The following FBXL7 variants were observed in gnomAD, a reference collection of about 807,000 sequenced individuals.
FBXL7 encodes F-box and leucine rich repeat protein 7.
Under a neutral mutation model 38.3 loss-of-function variants are expected in FBXL7, and 12 were observed. The ratio of observed to expected loss-of-function variants is 0.31; its 90% confidence interval spans 0.20 to 0.51. FBXL7 has a LOEUF of 0.51. Ranked by LOEUF, FBXL7 falls within the 20% of genes least tolerant of loss-of-function variation. The pLI is 0.98. For missense variants in FBXL7, 567 were observed against 676.4 expected, an observed-to-expected ratio of 0.84 and a Z score of 1.79; for synonymous variants, 297 against 300.9, an observed-to-expected ratio of 0.99 and a Z score of 0.13.
chr5:15,552,866 G>A (rs542488419), intron 1 of FBXL7, among the ~76,000 whole-genome samples: 121 of 152,258 alleles, frequency 7.9e-4, no homozygotes, highest in South Asian at 1.5e-3. Context: ...GGAAGATCAC[G>A]AGGTCAAGAG....
At chr5:15,525,039 C>A (rs1236829262) in intron 1 of FBXL7, among the ~76,000 whole-genome samples, 1 of 152,184 alleles carries the variant, frequency 6.6e-6, no homozygotes, top group East Asian at 1.9e-4. Context: ...AGAATCCTGG[C>A]TTTGTCACTT....
intron 2 of FBXL7, among the ~76,000 whole-genome samples, chr5:15,707,639 T>C (rs1743732235): frequency 6.6e-6 from 1 of 152,154 alleles, no homozygotes; most frequent in Admixed American, 6.5e-5. Context: ...TGGAAGGCAG[T>C]GTACATACAA....
At chr5:15,858,040 C>A (rs1307177658) in intron 2 of FBXL7, among the ~76,000 whole-genome samples, 1 of 151,960 alleles carries the variant, frequency 6.6e-6, no homozygotes, top group African/African-American at 2.4e-5. Context: ...ACCAGTATGC[C>A]AGTTTGGATT....
intron 1 of FBXL7, among the ~76,000 whole-genome samples, chr5:15,537,593 A>C (rs1737622698): frequency 6.6e-6 from 1 of 152,224 alleles, no homozygotes; most frequent in African/African-American, 2.4e-5. Context: ...CCTTTCCCTC[A>C]AGGCCATTGA....
chr5:15,638,751 G>A (rs554292979), intron 2 of FBXL7, among the ~76,000 whole-genome samples: 10 of 152,212 alleles, frequency 6.6e-5, no homozygotes, highest in African/African-American at 2.4e-4. Flanking sequence ...CCATCGGTCC[G>A]TATATCAACC....
chr5:15,531,424 G>T (rs1450642651), intron 1 of FBXL7, among the ~76,000 whole-genome samples: 1 of 152,146 alleles, frequency 6.6e-6, no homozygotes, highest in African/African-American at 2.4e-5. Flanking sequence ...ATGATATAGA[G>T]ACTTTATATT....
intron 2 of FBXL7, among the ~76,000 whole-genome samples, chr5:15,714,848 CAAAAAAAAAA>C (rs35229749): frequency 1.3e-5 from 1 of 76,668 alleles, no homozygotes; most frequent in East Asian, 3.8e-4. Flanking sequence ...GAGTCCGTCT[CAAAAAAAAAA>C]AAAAAAAAAA....
chr5:15,527,467 GT>G (rs1737285025), intron 1 of FBXL7, among the ~76,000 whole-genome samples: 1 of 152,062 alleles, frequency 6.6e-6, no homozygotes, highest in Admixed American at 6.5e-5. Flanking sequence ...TTTAAATTCA[GT>G]TCATCAGAGA....
chr5:15,939,106 C>T lies in FBXL7; in HGVS notation c.*1920C>T. 2.5e-6 allele frequency: 1 copy of T among 398,978 alleles called. No individual in the cohort carries two copies. The highest frequency in any genetic ancestry group is 4.4e-6 in the Non-Finnish European group (1 of 226,050). 24.7% of individuals were successfully genotyped at this position (398,978 alleles called of 1,614,324 possible). A position where few individuals can be genotyped will look rare whatever the true frequency, so the allele number is the denominator to read the frequency against. On this transcript the variant is annotated 3_prime_UTR_variant, in exon 4 of 4. Coordinates refer to ENST00000504595, the MANE Select transcript of FBXL7 (RefSeq NM_012304.5). ...AGAGGTTAGTGTGATGAGGTGGTGT[C>T]TGCCCAGGAGGTTTCTTTCAAACAT...
chr5:15,561,668 G>T (rs1328945862), intron 1 of FBXL7, among the ~76,000 whole-genome samples: 1 of 151,872 alleles, frequency 6.6e-6, no homozygotes, highest in South Asian at 2.1e-4. Flanking sequence ...GCACCAATCT[G>T]TATTCCCATC....
chr5:15,676,603 C>T (rs1018583026), intron 2 of FBXL7, among the ~76,000 whole-genome samples: 1 of 152,162 alleles, frequency 6.6e-6, no homozygotes, highest in Admixed American at 6.5e-5. Context: ...GATTCCCACC[C>T]AGTTAAATGT....
At position 15,653,317 on chromosome 5, in the gene FBXL7, T is replaced by C. The variant is rs530512275; in HGVS notation, c.127+37245T>C. On this transcript the variant is annotated intron_variant, in intron 2 of 3. Transcript: ENST00000504595. ...TCTTCAATTTGTAAAGAATGCAGTA[T>C]TTATGAGGCACAATAAAGCAAAGTT... Among the ~76,000 whole-genome samples the C allele has an allele frequency of 5.9e-5, 9 of 152,336 alleles. No individual in the cohort carries two copies. The East Asian group carries it at 1.3e-3, about 23-fold the overall frequency.
At chr5:15,668,368 TTGTGTGTGTGTGTGTGTGTGTG>T (rs148728974) in intron 2 of FBXL7, among the ~76,000 whole-genome samples, 3 of 145,768 alleles carry the variant, frequency 2.1e-5, no homozygotes, top group South Asian at 4.4e-4. Flanking sequence ...ATATTTGTGT[TTGTGTGTGTGTGTGTGTGTGTG>T]TGTGTGTGTG....
At chr5:15,597,509 A>T (rs1739658097) in intron 1 of FBXL7, among the ~76,000 whole-genome samples, 1 of 152,034 alleles carries the variant, frequency 6.6e-6, no homozygotes, top group Non-Finnish European at 1.5e-5. Flanking sequence ...AAAAAAAAAA[A>T]AAAAAAAAAA....
intron 2 of FBXL7, among the ~76,000 whole-genome samples, chr5:15,871,435 G>A (rs1458523814): frequency 6.6e-6 from 1 of 150,986 alleles, no homozygotes. Flanking sequence ...GGGAACAAAA[G>A]TGGATGGAGA....
chr5:15,587,257 C>T (rs1739334208), intron 1 of FBXL7, among the ~76,000 whole-genome samples: 1 of 152,148 alleles, frequency 6.6e-6, no homozygotes, highest in Admixed American at 6.6e-5. Flanking sequence ...AAGATCAGGG[C>T]CTTTTTGTAT....
At chr5:15,544,117 C>T (rs1014100900) in intron 1 of FBXL7, among the ~76,000 whole-genome samples, 3 of 152,226 alleles carry the variant, frequency 2.0e-5, no homozygotes, top group African/African-American at 7.2e-5. Context: ...CTACTCTGGA[C>T]ACATTGCCGA....
chr5:15,889,412 A>C (rs967870290), intron 2 of FBXL7, among the ~76,000 whole-genome samples: 1 of 152,194 alleles, frequency 6.6e-6, no homozygotes, highest in Non-Finnish European at 1.5e-5. Context: ...TTTCTTGGAA[A>C]ATCACTAAGC....
intron 2 of FBXL7, among the ~76,000 whole-genome samples, chr5:15,861,920 C>T (rs1739492190): frequency 6.6e-6 from 1 of 152,148 alleles, no homozygotes; most frequent in Non-Finnish European, 1.5e-5. Context: ...ATATGATCAG[C>T]CAGACTTCAT....
Sources: allele counts gnomAD v4.1 joint callset (sites outside exome capture counted in the v4.1 genomes callset), GRCh38; gene constraint gnomAD v4.1.1; transcripts MANE v1.5; gene names NCBI Gene and HGNC (gene_info 2026-07-23, HGNC 2026-07-21).